The following CA10 variants were observed in gnomAD, a reference collection of about 807,000 sequenced individuals.
CA10 encodes carbonic anhydrase 10 (inactive).
Under a neutral mutation model 44.2 loss-of-function variants are expected in CA10, and 14 were observed. The observed-to-expected ratio is 0.32, with a 90% CI of 0.21 to 0.50. The LOEUF (loss-of-function observed/expected upper bound fraction) is 0.50, where lower values mean the gene tolerates loss of function less well. Among genes scored for constraint, CA10 ranks in the 20% least tolerant of loss-of-function variants. The probability of loss-of-function intolerance (pLI) is 0.99; values close to 1 mark genes in which losing one functional copy is unlikely to be tolerated. For missense variants in CA10, 350 were observed against 409.7 expected (o/e 0.85, Z 1.26); for synonymous variants, 159 against 141.6 (o/e 1.12, Z -0.87).
chr17:51,827,978 A>G (rs1478454624), intron 3 of CA10, among the ~76,000 whole-genome samples: 1 of 152,206 alleles, frequency 6.6e-6, no homozygotes, highest in East Asian at 1.9e-4. Flanking sequence ...CAAACTTGGA[A>G]ACCTTGCATT....
At chr17:52,126,613 G>C (rs1055312864) in intron 1 of CA10, among the ~76,000 whole-genome samples, 5 of 152,124 alleles carry the variant, frequency 3.3e-5, no homozygotes, top group African/African-American at 1.2e-4. Flanking sequence ...ATTTTAAATG[G>C]GCATTTTCAT....
chr17:52,010,340 GAACT>G (rs1414889026), intron 2 of CA10, among the ~76,000 whole-genome samples: 3 of 151,862 alleles, frequency 2.0e-5, no homozygotes, highest in African/African-American at 7.3e-5. Flanking sequence ...CAAAAATATG[GAACT>G]AACCCAAATG....
At chr17:51,708,889 C>T (rs1163218968) in intron 4 of CA10, among the ~76,000 whole-genome samples, 1 of 152,228 alleles carries the variant, frequency 6.6e-6, no homozygotes, top group East Asian at 1.9e-4. Flanking sequence ...CTTGGGCCTT[C>T]AGCCACAGAC....
Position 52,072,333 on chromosome 17 carries a change from C to T in CA10, c.122G>A (p.Gly41Glu). The T allele has an allele frequency of 6.2e-7, 1 of 1,611,764 alleles. No individual in the cohort carries two copies. The highest frequency in any genetic ancestry group is 1.3e-5 in the African/African-American group (1 of 74,944). ...TGTGTACTTACCTGGAACAAAGCTT[C>T]CCTGGACCACCTCCTTGTATGCCCA... is the stretch of plus-strand genomic sequence containing the variant. Reference protein sequence around the residue: ...GWWAYKEVVQGSFVPVPSFWG... With the variant: ...GWWAYKEVVQESFVPVPSFWG... The change falls in exon 2 of 9, where the codon GGA (glycine) becomes GAA (glutamate). Residue 41 changes from glycine (G) to glutamate (E), a missense_variant. Gly to Glu is a moderately conservative substitution (Grantham distance 98, BLOSUM62 -2). Transcript: ENST00000451037.
intron 1 of CA10, among the ~76,000 whole-genome samples, chr17:52,115,835 T>A (rs1053146951): frequency 2.2e-4 from 33 of 152,252 alleles, no homozygotes; most frequent in African/African-American, 7.5e-4. Flanking sequence ...GGCTCACGCC[T>A]GTAATTCCAG....
intron 3 of CA10, among the ~76,000 whole-genome samples, chr17:51,840,793 A>G (rs1441319089): frequency 6.6e-6 from 1 of 152,200 alleles, no homozygotes; most frequent in African/African-American, 2.4e-5. Context: ...TACGATATCA[A>G]AACCACAGTG....
intron 6 of CA10, among the ~76,000 whole-genome samples, chr17:51,642,588 G>C (rs897152515): frequency 6.6e-6 from 1 of 152,166 alleles, no homozygotes; most frequent in African/African-American, 2.4e-5. Flanking sequence ...GCCTTCAGTG[G>C]TGTGGTTTTA....
intron 2 of CA10, among the ~76,000 whole-genome samples, chr17:51,971,749 T>C (rs1001575431): frequency 6.6e-6 from 1 of 152,186 alleles, no homozygotes; most frequent in African/African-American, 2.4e-5. Context: ...GTGTCCTGTG[T>C]TAATAAAAAG....
intron 4 of CA10, among the ~76,000 whole-genome samples, chr17:51,708,078 T>C (rs151337471): frequency 1.8e-4 from 28 of 152,376 alleles, no homozygotes; most frequent in Admixed American, 9.1e-4. Flanking sequence ...CTGTCCTTGC[T>C]GCTTCAGTGA....
chr17:52,116,090 CAAA>C (rs71149393), intron 1 of CA10, among the ~76,000 whole-genome samples: 4 of 136,780 alleles, frequency 2.9e-5, no homozygotes, highest in Non-Finnish European at 3.2e-5. Context: ...GACTCTGTCT[CAAA>C]AAAAAAAAAA....
intron 2 of CA10, among the ~76,000 whole-genome samples, chr17:52,038,724 C>G (rs1986686854): frequency 6.6e-6 from 1 of 152,154 alleles, no homozygotes; most frequent in African/African-American, 2.4e-5. Context: ...GAACAACTCT[C>G]TGTATCTAAG....
At chr17:52,130,430 A>C (rs1989210243) in intron 1 of CA10, among the ~76,000 whole-genome samples, 1 of 152,196 alleles carries the variant, frequency 6.6e-6, no homozygotes, top group African/African-American at 2.4e-5. Context: ...TGAATGAATA[A>C]AGAAATGTGG....
At chr17:52,155,593 T>A (rs1025950440) in intron 1 of CA10, among the ~76,000 whole-genome samples, 4 of 152,236 alleles carry the variant, frequency 2.6e-5, no homozygotes, top group African/African-American at 9.6e-5. Flanking sequence ...GAGGCCACCC[T>A]GACCATGGAG....
intron 3 of CA10, among the ~76,000 whole-genome samples, chr17:51,912,249 CT>C (rs1407646770): frequency 6.6e-6 from 1 of 152,170 alleles, no homozygotes; most frequent in East Asian, 1.9e-4. Flanking sequence ...AAATTAAATT[CT>C]GAAAACACTA....
At chr17:51,920,063 T>G (rs1355077067) in intron 3 of CA10, among the ~76,000 whole-genome samples, 1 of 152,218 alleles carries the variant, frequency 6.6e-6, no homozygotes, top group Non-Finnish European at 1.5e-5. Context: ...CTTGTAGGAA[T>G]TCATCTGCCT....
intron 1 of CA10, among the ~76,000 whole-genome samples, chr17:52,078,220 C>T (rs1206835247): frequency 6.6e-6 from 1 of 152,096 alleles, no homozygotes; most frequent in African/African-American, 2.4e-5. Flanking sequence ...TGGTGGGAAA[C>T]AAGACTTAAA....
At chr17:51,934,778 A>G (rs1302397562) in intron 2 of CA10, among the ~76,000 whole-genome samples, 1 of 152,122 alleles carries the variant, frequency 6.6e-6, no homozygotes, top group African/African-American at 2.4e-5. Context: ...TGCAGATAAA[A>G]ATGAGAAGTC....
chr17:51,707,693 G>GTGTGTGTGTGTGTGTT (rs1915806044), intron 4 of CA10, among the ~76,000 whole-genome samples: 1 of 151,836 alleles, frequency 6.6e-6, no homozygotes, highest in Non-Finnish European at 1.5e-5. Context: ...GTGTGTGTGT[G>GTGTGTGTGTGTGTGTT]TGTGTGTGTG....
intron 3 of CA10, among the ~76,000 whole-genome samples, chr17:51,853,641 G>A (rs879594770): frequency 1.3e-5 from 2 of 152,144 alleles, no homozygotes; most frequent in African/African-American, 2.4e-5. Context: ...GGATGCCCTG[G>A]TGATATGGCT....
Sources: gnomAD v4.1 joint callset for allele counts (sites outside exome capture counted in the v4.1 genomes callset) on GRCh38, gnomAD v4.1.1 for gene constraint, MANE v1.5 for transcripts, NCBI Gene and HGNC (gene_info 2026-07-23, HGNC 2026-07-21) for gene names.